ZNF479: variants seen among roughly 807,000 people sequenced by gnomAD.
The protein encoded by ZNF479 is KRAB zinc finger protein KR19.
Under a neutral mutation model 14.7 loss-of-function variants are expected in ZNF479, and 15 were observed. The ratio of observed to expected loss-of-function variants is 1.02; its 90% CI spans 0.68 to 1.57. The LOEUF (loss-of-function observed/expected upper bound fraction) is 1.57, where lower values mean the gene tolerates loss of function less well. Among genes scored for constraint, ZNF479 ranks in the 40% most tolerant of loss-of-function variants. The pLI, the probability that ZNF479 is intolerant of heterozygous loss-of-function variation, is 0.00. For missense variants in ZNF479, 506 were observed against 615.1 expected (o/e 0.82, Z 1.88); for synonymous variants, 145 against 211.5 (o/e 0.69, Z 2.73).
chr7:57,139,142 A>T (rs1238543713), intron 1 of ZNF479, among the ~76,000 whole-genome samples: 1 of 152,166 alleles, frequency 6.6e-6, no homozygotes, highest in Non-Finnish European at 1.5e-5. Flanking sequence ...GGAGCAGCAA[A>T]CAGGTGAGAT....
At chr7:57,129,274 C>T (rs1256126409) in intron 1 of ZNF479, among the ~76,000 whole-genome samples, 1 of 152,178 alleles carries the variant, frequency 6.6e-6, no homozygotes, top group Non-Finnish European at 1.5e-5. Context: ...ATCTTGAACC[C>T]CTCAAGTTTA....
chr7:57,130,821 C>T (rs1238423033), intron 1 of ZNF479, among the ~76,000 whole-genome samples: 7 of 152,110 alleles, frequency 4.6e-5, no homozygotes, highest in Admixed American at 2.0e-4. Context: ...TATTACAGCA[C>T]GATTCACAAT....
intron 3 of ZNF479, among the ~76,000 whole-genome samples, chr7:57,124,370 A>G (rs1786070110): frequency 6.6e-6 from 1 of 152,246 alleles, no homozygotes; most frequent in African/African-American, 2.4e-5. Context: ...CAATGGAGAA[A>G]ATATAATCCC....
chr7:57,126,157 C>A (rs776313168), intron 2 of ZNF479, 44 bp from the exon 3 acceptor site: 1 of 1,529,916 alleles, frequency 6.5e-7, no homozygotes, highest in East Asian at 2.2e-5. Flanking sequence ...ATGCTGAATT[C>A]TTTAATTACC....
At chr7:57,122,652 CA>C (rs1786002625) in intron 3 of ZNF479, among the ~76,000 whole-genome samples, 1 of 152,076 alleles carries the variant, frequency 6.6e-6, no homozygotes, top group African/African-American at 2.4e-5. Flanking sequence ...CAACTGAAGT[CA>C]TTTTTTTACC....
Position 57,119,401 on chromosome 7 carries a change from A to AGTTCAG in ZNF479, c.*438_*439insCTGAAC, listed in dbSNP as rs1341077541. Among the ~76,000 whole-genome samples the AGTTCAG allele has an allele frequency of 1.3e-5, 1 of 79,710 alleles. No individual in the cohort carries two copies. Among genetic ancestry groups the AGTTCAG allele is most frequent in the East Asian group, 8.5e-4 (1 of 1,172 alleles). The allele number at this position is 79,710 out of a possible 152,430, so 52.3% of individuals were successfully genotyped here. On this transcript the variant is annotated 3_prime_UTR_variant, in exon 4 of 4. Transcript: ENST00000319636. Reference sequence around the variant, plus strand: ...CAAAGGTGGATCACCTGAGGTCAGGAGTTCAAGACCATCCTGGCCAACATG... The same window carrying AGTTCAG: ...CAAAGGTGGATCACCTGAGGTCAGGAGTTCAGGTTCAAGACCATCCTGGCCAACATG...
chr7:57,137,245 C>A (rs1358625826), upstream of ZNF479, among the ~76,000 whole-genome samples: 1 of 152,204 alleles, frequency 6.6e-6, no homozygotes, highest in Non-Finnish European at 1.5e-5. Context: ...AAGAAATTCT[C>A]CTGCCACAGC....
chr7:57,132,215 T>A, intron 1 of ZNF479, 71 bp downstream of exon 1: 2 of 1,613,204 alleles, frequency 1.2e-6, no homozygotes, highest in Non-Finnish European at 1.7e-6. Context: ...GTCTGGGACC[T>A]GCTACAGCCA....
intron 1 of ZNF479, among the ~76,000 whole-genome samples, chr7:57,138,377 AATT>A: frequency 6.6e-6 from 1 of 152,188 alleles, no homozygotes; most frequent in African/African-American, 2.4e-5. Context: ...ACCGAGGTAA[AATT>A]GTGAATCTTA....
chr7:57,131,858 C>A (rs1786440842), intron 1 of ZNF479, among the ~76,000 whole-genome samples: 1 of 152,172 alleles, frequency 6.6e-6, no homozygotes, highest in African/African-American at 2.4e-5. Context: ...ACACTTTGAT[C>A]AGATTCTCAT....
intron 3 of ZNF479, among the ~76,000 whole-genome samples, chr7:57,121,914 A>G (rs1210710984): frequency 6.6e-6 from 1 of 152,138 alleles, no homozygotes; most frequent in East Asian, 1.9e-4. Context: ...AAAAATGGAA[A>G]ACCAGACACC....
chr7:57,125,445 G>T (rs1344920905), intron 3 of ZNF479, among the ~76,000 whole-genome samples: 1 of 151,094 alleles, frequency 6.6e-6, no homozygotes, highest in African/African-American at 2.4e-5. Context: ...AGACATAAAA[G>T]GTACCCTGCT....
intron 1 of ZNF479, among the ~76,000 whole-genome samples, chr7:57,129,643 G>T (rs1046984232): frequency 6.6e-6 from 1 of 152,132 alleles, no homozygotes; most frequent in African/African-American, 2.4e-5. Context: ...GGTATTGTGT[G>T]CTCAGGAGCA....
At chr7:57,127,706 T>C (rs1475962136) in intron 1 of ZNF479, 6 of 213,498 alleles carry the variant, frequency 2.8e-5, no homozygotes, top group Non-Finnish European at 4.8e-5. Context: ...GCACTTCAGC[T>C]AGTAAATCTC....
Position 57,118,780 on chromosome 7 carries a change from G to A in ZNF479, c.*1060C>T, listed in dbSNP as rs1554399448. 6.6e-6 allele frequency among the ~76,000 whole-genome samples: 1 copy of A among 152,150 alleles called. No individual in the cohort carries two copies. Among genetic ancestry groups the A allele is most frequent in the African/African-American group, 2.4e-5 (1 of 41,428 alleles). ...TTTTCTCTAGTATAAATGCTTTCCT[G>A]TACCATAAGGTGTGAGAATTTGTTA... On this transcript the variant is annotated 3_prime_UTR_variant, in exon 4 of 4. Coordinates refer to ENST00000319636, the MANE Select transcript of ZNF479 (RefSeq NM_001370129.2).
chr7:57,131,376 A>C (rs1375678715), intron 1 of ZNF479, among the ~76,000 whole-genome samples: 1 of 152,060 alleles, frequency 6.6e-6, no homozygotes, highest in Non-Finnish European at 1.5e-5. Context: ...CTACCTGGCC[A>C]ACATGGTGAA....
intron 3 of ZNF479, among the ~76,000 whole-genome samples, chr7:57,125,790 C>G (rs1358591727): frequency 6.6e-6 from 1 of 152,204 alleles, no homozygotes; most frequent in Non-Finnish European, 1.5e-5. Context: ...TTGGCTCACA[C>G]TGTGAACTTG....
At chr7:57,135,961 ATCTCTCTC>A (rs1786628295), upstream of ZNF479, among the ~76,000 whole-genome samples, 1 of 108,910 alleles carries the variant, frequency 9.2e-6, no homozygotes, top group African/African-American at 4.2e-5. Context: ...GCCATAGGCA[ATCTCTCTC>A]TCAATCTCTC....
chr7:57,133,788 C>T (rs1786532330), upstream of ZNF479, among the ~76,000 whole-genome samples: 1 of 152,052 alleles, frequency 6.6e-6, no homozygotes, highest in South Asian at 2.1e-4. Flanking sequence ...ATTGCTTGAA[C>T]CCAAGAGGCA....
Sources: gnomAD v4.1 joint callset for allele counts (sites outside exome capture counted in the v4.1 genomes callset) on GRCh38, gnomAD v4.1.1 for gene constraint, MANE v1.5 for transcripts, NCBI Gene and HGNC (gene_info 2026-07-23, HGNC 2026-07-21) for gene names.